The following CDH12 variants were observed in gnomAD, a reference collection of about 807,000 sequenced individuals.
CDH12 encodes cadherin 12, also known as cadherin-12.
Under a neutral mutation model 74.1 loss-of-function variants are expected in CDH12, and 41 were observed. That is an observed-to-expected ratio of 0.55 (90% confidence interval 0.43 to 0.72). The LOEUF (loss-of-function observed/expected upper bound fraction) is 0.72. CDH12 is among the 30% of genes least tolerant of loss of function. The pLI is 0.00. For synonymous variants in CDH12, 399 were observed against 355.0 expected (o/e 1.12, Z -1.39); for missense variants, 945 against 977.2 (o/e 0.97, Z 0.44).
chr5:22,073,870 T>C (rs1300305328), intron 5 of CDH12, among the ~76,000 whole-genome samples: 9 of 152,082 alleles, frequency 5.9e-5, no homozygotes, highest in East Asian at 3.9e-4. Flanking sequence ...AGAAAACCAA[T>C]TGGTCCCTAA....
intron 1 of CDH12, among the ~76,000 whole-genome samples, chr5:22,791,239 G>T (rs1475856312): frequency 2.6e-5 from 4 of 152,138 alleles, no homozygotes; most frequent in Admixed American, 2.6e-4. Flanking sequence ...AGTCTTCAAA[G>T]CAGGAAGGGT....
At chr5:22,134,344 A>G (rs558856413) in intron 4 of CDH12, among the ~76,000 whole-genome samples, 4 of 152,198 alleles carry the variant, frequency 2.6e-5, no homozygotes, top group African/African-American at 9.6e-5. Flanking sequence ...TATGGACTTC[A>G]CTGGCAGGTC....
At chr5:22,712,392 A>G (rs1218141135) in intron 1 of CDH12, among the ~76,000 whole-genome samples, 1 of 152,054 alleles carries the variant, frequency 6.6e-6, no homozygotes, top group Non-Finnish European at 1.5e-5. Context: ...TATTAAAAAT[A>G]TAAGATACAT....
chr5:22,119,516 C>T (rs1370631374), intron 4 of CDH12, among the ~76,000 whole-genome samples: 2 of 151,988 alleles, frequency 1.3e-5, no homozygotes, highest in Admixed American at 1.3e-4. Context: ...TCTCAGACTC[C>T]TAACTTCAGG....
At chr5:22,205,368 A>C (rs1029900804) in intron 4 of CDH12, among the ~76,000 whole-genome samples, 2 of 152,174 alleles carry the variant, frequency 1.3e-5, no homozygotes, top group Non-Finnish European at 2.9e-5. Context: ...TAATCAAATA[A>C]ATTTAAAAGA....
At chr5:22,749,184 T>G (rs140606594) in intron 1 of CDH12, among the ~76,000 whole-genome samples, 1 of 152,338 alleles carries the variant, frequency 6.6e-6, no homozygotes, top group Non-Finnish European at 1.5e-5. Flanking sequence ...GTTGAAAGTA[T>G]GATCAGCAGC....
chr5:22,824,490 C>G (rs1331915649), intron 1 of CDH12, among the ~76,000 whole-genome samples: 2 of 151,856 alleles, frequency 1.3e-5, no homozygotes, highest in African/African-American at 4.8e-5. Context: ...AAATAAAAAT[C>G]CAATATGATC....
rs1302000592 is a variant in CDH12, at chr5:22,485,413, ACTC to A, written c.-428+19854_-428+19856del. ...GCTATGTTGCCCAAGCTGGTCTTAA[ACTC>A]CTGGCTTCAAGCAAGACTCCTTCTT... On this transcript the variant is annotated intron_variant, in intron 2 of 14. Transcript: ENST00000382254. Among the ~76,000 whole-genome samples the A allele has an allele frequency of 3.3e-5, 5 of 152,104 alleles. No homozygotes were observed. In the East Asian group the frequency reaches 9.7e-4, roughly 29 times the overall value.
In CDH12 at chr5:22,130,705, G is replaced by C. The variant is rs368614857; in HGVS notation, c.-186-51843C>G. Reference sequence around the variant, plus strand: ...GTTCAGCTATAAGAAGTTTGAGTTAGTGTATATGATTTTTAGAAAATCAAT... The same window carrying C: ...GTTCAGCTATAAGAAGTTTGAGTTACTGTATATGATTTTTAGAAAATCAAT... On this transcript the variant is annotated intron_variant, in intron 4 of 14. Coordinates refer to ENST00000382254, the MANE Select transcript of CDH12 (RefSeq NM_004061.5). Among the ~76,000 whole-genome samples the C allele has an allele frequency of 4.6e-5, 7 of 151,798 alleles. No individual in the cohort carries two copies. The South Asian group carries it at 1.5e-3, about 32-fold the overall frequency.
intron 8 of CDH12, among the ~76,000 whole-genome samples, chr5:21,838,619 A>G (rs931557741): frequency 1.3e-5 from 2 of 152,078 alleles, no homozygotes; most frequent in African/African-American, 4.8e-5. Flanking sequence ...CATTTTTTGC[A>G]AGTACATCTC....
At chr5:21,897,408 A>G (rs1045916767) in intron 6 of CDH12, among the ~76,000 whole-genome samples, 1 of 152,212 alleles carries the variant, frequency 6.6e-6, no homozygotes, top group Non-Finnish European at 1.5e-5. Context: ...ATGAAAAAAG[A>G]TGTTACTGAA....
At chr5:21,847,270 T>G (rs1413511340) in intron 7 of CDH12, among the ~76,000 whole-genome samples, 2 of 152,166 alleles carry the variant, frequency 1.3e-5, no homozygotes, top group African/African-American at 4.8e-5. Flanking sequence ...GTTCTTCCAC[T>G]TCCTTTAGAT....
intron 1 of CDH12, among the ~76,000 whole-genome samples, chr5:22,645,480 A>C (rs1425759496): frequency 6.6e-6 from 1 of 152,052 alleles, no homozygotes; most frequent in Non-Finnish European, 1.5e-5. Flanking sequence ...TTAGCAAATA[A>C]AATGGTTTCT....
intron 6 of CDH12, among the ~76,000 whole-genome samples, chr5:21,931,523 A>G (rs1344809028): frequency 3.3e-5 from 5 of 152,184 alleles, no homozygotes; most frequent in Middle Eastern, 3.2e-3. Context: ...TTACTCCTGA[A>G]AAAAGCAAAA....
intron 11 of CDH12, among the ~76,000 whole-genome samples, chr5:21,770,689 A>G (rs529843772): frequency 1.2e-4 from 19 of 152,194 alleles, no homozygotes; most frequent in Non-Finnish European, 2.8e-4. Context: ...TTACTCTTCG[A>G]CCCAGCAATC....
At chr5:21,752,669 C>T (rs772553964) in intron 14 of CDH12, among the ~76,000 whole-genome samples, 8 of 151,824 alleles carry the variant, frequency 5.3e-5, no homozygotes, top group Non-Finnish European at 1.2e-4. Context: ...GTTTCTTATG[C>T]GATAAGCCCA....
At chr5:22,283,217 GATATATATATAT>G (rs1309819565) in intron 3 of CDH12, among the ~76,000 whole-genome samples, 3 of 78,104 alleles carry the variant, frequency 3.8e-5, no homozygotes, top group African/African-American at 7.4e-5. Flanking sequence ...TATATATATA[GATATATATATAT>G]ATATATATAT....
At chr5:22,376,955 T>G (rs2126366975) in intron 3 of CDH12, among the ~76,000 whole-genome samples, 1 of 152,262 alleles carries the variant, frequency 6.6e-6, no homozygotes, top group African/African-American at 2.4e-5. Flanking sequence ...AATTCAAATT[T>G]GATTTGGCTG....
chr5:22,603,733 A>T (rs1736960953), intron 1 of CDH12, among the ~76,000 whole-genome samples: 1 of 152,178 alleles, frequency 6.6e-6, no homozygotes, highest in Non-Finnish European at 1.5e-5. Context: ...CTTCAATAAA[A>T]CCAGATTGGG....
Sources: allele counts gnomAD v4.1 joint callset (sites outside exome capture counted in the v4.1 genomes callset), GRCh38; gene constraint gnomAD v4.1.1; transcripts MANE v1.5; gene names NCBI Gene and HGNC (gene_info 2026-07-23, HGNC 2026-07-21).